Variants in HLCS observed in about 807,000 individuals in gnomAD.
The protein encoded by HLCS is holocarboxylase synthetase.
In HLCS, 53 loss-of-function variants were observed where a neutral mutation model predicts 75.0. That is an observed-to-expected ratio of 0.71 (90% CI 0.57 to 0.89). The LOEUF (loss-of-function observed/expected upper bound fraction) is 0.89. HLCS is among the 40% of genes least tolerant of loss of function. The pLI is 0.00. For synonymous variants in HLCS, 431 were observed against 428.6 expected (o/e 1.01, Z -0.07); for missense variants, 966 against 1,074.0 (o/e 0.90, Z 1.41).
chr21:36,825,017 A>G (rs181469789), intron 6 of HLCS, among the ~76,000 whole-genome samples: 3 of 152,326 alleles, frequency 2.0e-5, no homozygotes, highest in Admixed American at 1.3e-4. Context: ...CTTTGACATA[A>G]AAATGTTCAA....
rs911213026 is a variant in HLCS, at chr21:36,836,492, A to G, written c.1892+60368T>C. ...CCCACCCCACAACAGTCCCCAGAGT[A>G]TGATGTTTCCCTTCCTGTGTCCATG... On this transcript the variant is annotated intron_variant, in intron 6 of 10. Coordinates refer to ENST00000674895, the MANE Select transcript of HLCS (RefSeq NM_001352514.2). 8.3e-4 allele frequency among the ~76,000 whole-genome samples: 104 copies of G among 125,214 alleles called. 1 individual carries two copies. Among genetic ancestry groups the G allele is most frequent in the African/African-American group, 2.9e-3 (94 of 31,880 alleles). The allele number at this position is 125,214 out of a possible 152,430, so 82.1% of individuals were successfully genotyped here. A position where few individuals can be genotyped will look rare whatever the true frequency, so the allele number is the denominator to read the frequency against.
chr21:36,940,784 C>A (rs2067107247), intron 2 of HLCS, among the ~76,000 whole-genome samples: 1 of 152,174 alleles, frequency 6.6e-6, no homozygotes, highest in African/African-American at 2.4e-5. Flanking sequence ...TTGGCTGGGT[C>A]CCCACCCAAA....
At chr21:36,874,632 T>G (rs1254430389) in intron 6 of HLCS, among the ~76,000 whole-genome samples, 1 of 152,340 alleles carries the variant, frequency 6.6e-6, no homozygotes, top group East Asian at 1.9e-4. Context: ...TGCATTTCTA[T>G]GTACATGTTA....
In HLCS at chr21:36,772,214, A is replaced by T. The variant is rs990671722; in HGVS notation, c.1893-4929T>A. Among the ~76,000 whole-genome samples, 16 of 152,204 alleles carry T rather than the reference A, an allele frequency of 1.1e-4. No homozygotes were observed. The East Asian group carries it at 1.3e-3, about 13-fold the overall frequency. On this transcript the variant is annotated intron_variant, in intron 6 of 10. Transcript: ENST00000674895. The stretch of plus-strand genomic sequence containing the variant: ...CAAAGTATTTTTCTGATAATTAAAA[A>T]TTTTTTATTTTGGAGCTCTTACAAT...
At chr21:36,763,290 A>T (rs2089917600) in intron 8 of HLCS, among the ~76,000 whole-genome samples, 1 of 152,004 alleles carries the variant, frequency 6.6e-6, no homozygotes, top group South Asian at 2.1e-4. Context: ...GATTACAGGC[A>T]TGAGCCACCG....
At chr21:36,778,150 T>G (rs2060419122) in intron 6 of HLCS, among the ~76,000 whole-genome samples, 1 of 152,000 alleles carries the variant, frequency 6.6e-6, no homozygotes, top group African/African-American at 2.4e-5. Context: ...TTTGTATTTT[T>G]AGTAGAGATG....
chr21:36,847,961 C>A (rs1010659068), intron 6 of HLCS, among the ~76,000 whole-genome samples: 1 of 152,140 alleles, frequency 6.6e-6, no homozygotes, highest in Non-Finnish European at 1.5e-5. Flanking sequence ...GTTTTCTGAT[C>A]TGCTTTTCTA....
intron 2 of HLCS, among the ~76,000 whole-genome samples, chr21:36,940,744 G>A (rs2067104974): frequency 6.6e-6 from 1 of 152,152 alleles, no homozygotes; most frequent in South Asian, 2.1e-4. Context: ...TCGTCCAACT[G>A]GCATAAGCAT....
upstream of HLCS, chr21:36,969,650 G>A (rs2068732315): frequency 6.6e-6 from 1 of 150,444 alleles, no homozygotes; most frequent in Non-Finnish European, 1.5e-5. Context: ...TCAGCTCACT[G>A]CAACGTCCGC....
chr21:36,973,303 G>A (rs1421912839), intron 1 of HLCS, among the ~76,000 whole-genome samples: 2 of 146,670 alleles, frequency 1.4e-5, no homozygotes, highest in Non-Finnish European at 3.0e-5. Flanking sequence ...ACTGATAAAG[G>A]ATTCATATCT....
At chr21:36,938,124 A>T (rs2066978631) in intron 3 of HLCS, among the ~76,000 whole-genome samples, 2 of 152,226 alleles carry the variant, frequency 1.3e-5, no homozygotes, top group South Asian at 4.1e-4. Context: ...TGTCCCAAGA[A>T]ATTGTGATAC....
intron 6 of HLCS, among the ~76,000 whole-genome samples, chr21:36,862,221 T>C (rs2063403714): frequency 6.6e-6 from 1 of 152,250 alleles, no homozygotes; most frequent in South Asian, 2.1e-4. Flanking sequence ...GTTCCCACCT[T>C]TTGGCTATCA....
At chr21:36,777,015 C>G (rs1401154331) in intron 6 of HLCS, among the ~76,000 whole-genome samples, 1 of 152,182 alleles carries the variant, frequency 6.6e-6, no homozygotes, top group African/African-American at 2.4e-5. Context: ...CCTTCCCCAA[C>G]AGTTTCCTTA....
intron 6 of HLCS, among the ~76,000 whole-genome samples, chr21:36,846,889 T>C (rs1484206683): frequency 6.6e-6 from 1 of 152,124 alleles, no homozygotes; most frequent in Non-Finnish European, 1.5e-5. Flanking sequence ...GGTCCAACAA[T>C]ACCAGATTTA....
intron 5 of HLCS, among the ~76,000 whole-genome samples, chr21:36,926,879 A>G (rs1393453659): frequency 6.6e-6 from 1 of 151,748 alleles, no homozygotes; most frequent in Non-Finnish European, 1.5e-5. Context: ...AGTAGCTAGG[A>G]CTACAGGTAT....
chr21:36,956,350 A>AT (rs1302404248), intron 2 of HLCS, among the ~76,000 whole-genome samples: 1 of 152,176 alleles, frequency 6.6e-6, no homozygotes, highest in Non-Finnish European at 1.5e-5. Context: ...TAAACCAACG[A>AT]TGAGAGTACA....
chr21:36,754,318 C>G lies in HLCS; in HGVS notation c.2550G>C (p.Glu850Asp). 6.2e-7 allele frequency: 1 copy of G among 1,614,084 alleles called. No homozygotes were observed. The highest frequency in any genetic ancestry group is 1.3e-5 in the African/African-American group (1 of 75,038). ...GFLQVHQEGG[E>D]VVTVHPDGNS... ...TGCCGTCCGGGTGCACAGTCACAAC[C>G]TCGCCGCCCTCCTGGTGAACCTGGA... is the stretch of plus-strand genomic sequence containing the variant. The change falls in exon 11 of 11, where the codon GAG (glutamate) becomes GAC (aspartate). Residue 850 changes from glutamate (E) to aspartate (D), a missense_variant. Glu to Asp is a conservative substitution (Grantham distance 45). Transcript: ENST00000674895.
chr21:36,798,224 G>C (rs1205735818), intron 6 of HLCS, among the ~76,000 whole-genome samples: 1 of 152,168 alleles, frequency 6.6e-6, no homozygotes, highest in Non-Finnish European at 1.5e-5. Flanking sequence ...GTGTGTGCAG[G>C]TATTTGGGGG....
At chr21:36,772,656 A>AG in intron 6 of HLCS, among the ~76,000 whole-genome samples, 1 of 151,276 alleles carries the variant, frequency 6.6e-6, no homozygotes, top group East Asian at 1.9e-4. Flanking sequence ...AAAAAAAAAA[A>AG]AAAGAAGGAC....
Sources: gnomAD v4.1 joint callset for allele counts (sites outside exome capture counted in the v4.1 genomes callset) on GRCh38, gnomAD v4.1.1 for gene constraint, MANE v1.5 for transcripts, NCBI Gene and HGNC (gene_info 2026-07-23, HGNC 2026-07-21) for gene names.